The following KIF1B variants were observed in gnomAD, a reference collection of about 807,000 sequenced individuals.
The protein encoded by KIF1B is kinesin-like protein KIF1B.
KIF1B carries 76 observed loss-of-function variants against 241.9 expected under a neutral mutation model. The ratio of observed to expected loss-of-function variants is 0.31; its 90% CI spans 0.26 to 0.38. The LOEUF (loss-of-function observed/expected upper bound fraction) is 0.38, where lower values mean the gene tolerates loss of function less well. KIF1B is among the 10% of genes least tolerant of loss of function. The probability of loss-of-function intolerance (pLI) is 1.00; values close to 1 mark genes in which losing one functional copy is unlikely to be tolerated. For missense variants in KIF1B, 1,622 were observed against 2,271.4 expected, an observed-to-expected ratio of 0.71 and a Z score of 5.81; for synonymous variants, 750 against 796.7, an observed-to-expected ratio of 0.94 and a Z score of 0.99.
At position 10,292,130 on chromosome 1, in the gene KIF1B, A is replaced by G. The variant is rs1168139281; in HGVS notation, c.1590+8A>G. The stretch of plus-strand genomic sequence containing the variant: ...GTTTTCTCACCTAAAAAGGTAGGAA[A>G]CAATGCTGTGAAACCTAATCAGACA... On this transcript the variant is annotated splice_region_variant and intron_variant, in intron 17 of 48. Coordinates refer to ENST00000676179, the MANE Select transcript of KIF1B (RefSeq NM_001365951.3). 2 of 1,611,308 alleles carry G rather than the reference A, an allele frequency of 1.2e-6. No individual in the cohort carries two copies. Among genetic ancestry groups the G allele is most frequent in the East Asian group, 2.2e-5 (1 of 44,836 alleles).
chr1:10,277,096 A>T (rs1407566939), intron 12 of KIF1B, among the ~76,000 whole-genome samples: 1 of 151,406 alleles, frequency 6.6e-6, no homozygotes, highest in Non-Finnish European at 1.5e-5. Context: ...AAAAAAAAAT[A>T]AATTCTGAAG....
rs1356468730 is a variant in KIF1B, at chr1:10,352,724, A to G, written c.4043A>G (p.His1348Arg). The G allele has an allele frequency of 6.2e-7, 1 of 1,613,426 alleles. No individual in the cohort carries two copies. Among genetic ancestry groups the G allele is most frequent in the South Asian group, 1.1e-5 (1 of 91,054 alleles). ...IISAKYLKSS[H>R]NSSRTFYRFE... ...TCTGCCAAGTACCTGAAGTCTTCCC[A>G]CAACTCTAGCAGGTGGGACACCCAG... Residue 1348 changes from histidine (H) to arginine (R), a missense_variant, in exon 38 of 49, where the codon CAC (histidine) becomes CGC (arginine). His to Arg is a conservative substitution (Grantham distance 29). Around this residue, in one of 7 missense-constraint regions of KIF1B, gnomAD observed 803 missense variants for 1,112.0 expected, o/e 0.72. Transcript: ENST00000676179.
At chr1:10,309,515 A>G (rs1650979241) in intron 22 of KIF1B, among the ~76,000 whole-genome samples, 1 of 151,648 alleles carries the variant, frequency 6.6e-6, no homozygotes. Context: ...CCTTCCAGCT[A>G]TTGCTTGCTA....
chr1:10,342,175 A>G lies in KIF1B; in HGVS notation c.3632+7A>G, dbSNP rs781090581. 1 of 1,530,874 alleles carries G rather than the reference A, an allele frequency of 6.5e-7. No homozygotes were observed. Among genetic ancestry groups the G allele is most frequent in the Admixed American group, 1.7e-5 (1 of 59,920 alleles). The allele number at this position is 1,530,874 out of a possible 1,614,324, so 94.8% of individuals were successfully genotyped here. ...AAGGACAGGAGCTTAACAGGTTTGG[A>G]CCAGATAAGCAAACATTTTTGATGG... On this transcript the variant is annotated splice_region_variant and intron_variant, in intron 33 of 48. Coordinates refer to ENST00000676179, the MANE Select transcript of KIF1B (RefSeq NM_001365951.3).
At position 10,237,472 on chromosome 1, in the gene KIF1B, T is replaced by A. The variant is rs75106866; in HGVS notation, c.106+5038T>A. ...GAACTGTGATATTTTACTTTATTTT[T>A]ACCCACAAATTGTCTCTTGCCCTTT... On this transcript the variant is annotated intron_variant, in intron 2 of 48. Transcript: ENST00000676179. Among the ~76,000 whole-genome samples, 236 of 152,334 alleles carry A rather than the reference T, an allele frequency of 1.5e-3. 3 individuals carry two copies. The East Asian group carries it at 0.029, about 19-fold the overall frequency.
intron 15 of KIF1B, among the ~76,000 whole-genome samples, chr1:10,290,503 A>G (rs1455973038): frequency 6.6e-6 from 1 of 151,634 alleles, no homozygotes; most frequent in Non-Finnish European, 1.5e-5. Context: ...TTTTTTTGAG[A>G]TGGAGTTTTG....
At position 10,323,909 on chromosome 1, in the gene KIF1B, C is replaced by G. The variant is rs2102298851; in HGVS notation, c.2384C>G (p.Thr795Ser). ...KKVQFQFVLLTDTLYSPLPPE... is the reference protein window; with the variant it reads ...KKVQFQFVLLSDTLYSPLPPE... ...GTGCAGTTTCAGTTTGTTCTGCTGACTGACACACTGTACTCCCCTTTGCCT... is the reference window on the plus strand; with the variant it reads ...GTGCAGTTTCAGTTTGTTCTGCTGAGTGACACACTGTACTCCCCTTTGCCT... The change falls in exon 25 of 49, where the codon ACT becomes AGT. Residue 795 changes from threonine to serine, a missense_variant. Coordinates refer to ENST00000676179, the MANE Select transcript of KIF1B (RefSeq NM_001365951.3). 1.2e-6 allele frequency: 2 copies of G among 1,614,084 alleles called. No individual in the cohort carries two copies. Among genetic ancestry groups the G allele is most frequent in the Non-Finnish European group, 1.7e-6 (2 of 1,179,932 alleles).
intron 2 of KIF1B, among the ~76,000 whole-genome samples, chr1:10,241,670 T>C (rs1026256032): frequency 1.3e-5 from 2 of 152,210 alleles, no homozygotes; most frequent in African/African-American, 4.8e-5. Flanking sequence ...TTTGAGATTG[T>C]CATAATTAAA....
At chr1:10,343,838 C>T (rs569054251) in intron 34 of KIF1B, among the ~76,000 whole-genome samples, 1 of 152,144 alleles carries the variant, frequency 6.6e-6, no homozygotes, top group African/African-American at 2.4e-5. Flanking sequence ...TATCTACAAA[C>T]TCTCTGGTCT....
intron 14 of KIF1B, among the ~76,000 whole-genome samples, chr1:10,279,751 TAATGA>T (rs1649314153): frequency 7.2e-6 from 1 of 138,642 alleles, no homozygotes; most frequent in Non-Finnish European, 1.5e-5. Flanking sequence ...AGCTGGAGTG[TAATGA>T]CATGATCGTG....
intron 22 of KIF1B, among the ~76,000 whole-genome samples, chr1:10,311,266 G>A (rs1385580718): frequency 6.7e-6 from 1 of 148,736 alleles, no homozygotes; most frequent in Non-Finnish European, 1.5e-5. Context: ...CCAGGCTGGA[G>A]TGCAGTGGCA....
intron 2 of KIF1B, among the ~76,000 whole-genome samples, chr1:10,252,813 G>A (rs749983227): frequency 6.6e-6 from 1 of 151,678 alleles, no homozygotes; most frequent in Admixed American, 6.6e-5. Context: ...TCCACCTCTC[G>A]GGTTCAAGCA....
Position 10,295,767 on chromosome 1 carries a change from G to GT in KIF1B, c.1777+2dup, listed in dbSNP as rs773151045. 2 of 1,611,430 alleles carry GT rather than the reference G, an allele frequency of 1.2e-6. No individual in the cohort carries two copies. Among genetic ancestry groups the GT allele is most frequent in the Admixed American group, 1.7e-5 (1 of 60,006 alleles). ...AGTGAGAGAAGCAACAGCGGGGAAGGTGAGCATTCCTGGCTGGAGCTTCAG... is the reference window on the plus strand; with the variant it reads ...AGTGAGAGAAGCAACAGCGGGGAAGGTTGAGCATTCCTGGCTGGAGCTTCAG... On this transcript the variant is annotated splice_donor_variant, in intron 19 of 48. Coordinates refer to ENST00000676179, the MANE Select transcript of KIF1B (RefSeq NM_001365951.3). LOFTEE classifies it high-confidence loss of function.
At chr1:10,335,982 C>T (rs1652158166) in intron 28 of KIF1B, among the ~76,000 whole-genome samples, 1 of 152,166 alleles carries the variant, frequency 6.6e-6, no homozygotes, top group African/African-American at 2.4e-5. Flanking sequence ...CAGCCTTTCC[C>T]CTATGGAAAC....
intron 1 of KIF1B, among the ~76,000 whole-genome samples, chr1:10,219,055 A>G (rs1384825292): frequency 6.6e-6 from 1 of 152,220 alleles, no homozygotes; most frequent in Non-Finnish European, 1.5e-5. Context: ...GATAAATTGT[A>G]CAATTTTCAC....
intron 44 of KIF1B, 71 bp downstream of exon 44, chr1:10,368,609 T>C: frequency 1.5e-6 from 2 of 1,365,820 alleles, no homozygotes; most frequent in Non-Finnish European, 2.1e-6. Context: ...CCAGATTACC[T>C]ATTCCTGGTT....
rs1330962337 is a variant in KIF1B, at chr1:10,304,348, A to C, written c.2115+7102A>C. 3.7e-6 allele frequency: 6 copies of C among 1,614,092 alleles called. No homozygotes were observed. In the South Asian group the frequency reaches 6.6e-5, roughly 18 times the overall value. Reference sequence around the variant, plus strand: ...ACTACGTTGGAGAAGCAATTCTCTCAATAATGGCCAGCCGAAAAGTACGCG... The same window carrying C: ...ACTACGTTGGAGAAGCAATTCTCTCCATAATGGCCAGCCGAAAAGTACGCG... On this transcript the variant is annotated intron_variant, in intron 22 of 48. Transcript: ENST00000676179.
intron 27 of KIF1B, among the ~76,000 whole-genome samples, chr1:10,327,005 G>T (rs1189900901): frequency 6.6e-6 from 1 of 152,044 alleles, no homozygotes; most frequent in Non-Finnish European, 1.5e-5. Context: ...TAACCTATAG[G>T]GTTTATAATG....
At chr1:10,288,216 G>A (rs1649807870) in intron 15 of KIF1B, among the ~76,000 whole-genome samples, 1 of 152,120 alleles carries the variant, frequency 6.6e-6, no homozygotes, top group African/African-American at 2.4e-5. Flanking sequence ...GGAGTGTAGT[G>A]GTGCAGTCAT....
Sources: allele counts gnomAD v4.1 joint callset (sites outside exome capture counted in the v4.1 genomes callset), GRCh38; gene constraint gnomAD v4.1.1; regional missense constraint gnomAD v4.1.1; transcripts MANE v1.5; gene names NCBI Gene and HGNC (gene_info 2026-07-23, HGNC 2026-07-21).